Variants in SCN9A observed in about 807,000 individuals in gnomAD.
SCN9A encodes sodium channel protein type 9 subunit alpha.
In SCN9A, 131 loss-of-function variants were observed where a neutral mutation model predicts 187.0. The ratio of observed to expected loss-of-function variants is 0.70; its 90% CI spans 0.61 to 0.81. SCN9A has a LOEUF of 0.81. Ranked by LOEUF, SCN9A falls within the 30% of genes least tolerant of loss-of-function variation. The pLI, the probability that SCN9A is intolerant of heterozygous loss-of-function variation, is 0.00. For missense variants in SCN9A, 2,252 were observed against 2,396.6 expected, an observed-to-expected ratio of 0.94 and a Z score of 1.26; for synonymous variants, 809 against 808.6, an observed-to-expected ratio of 1.00 and a Z score of -0.01.
chr2:166,367,249 T>G (rs923560226), intron 1 of SCN9A, among the ~76,000 whole-genome samples: 8 of 152,166 alleles, frequency 5.3e-5, no homozygotes, highest in Non-Finnish European at 1.0e-4. Flanking sequence ...AGAATAAACT[T>G]CATCCTAGAC....
Position 166,306,474 on chromosome 2 carries a change from C to A in SCN9A, c.467+36G>T, listed in dbSNP as rs900403867. ...AAAAGGAAAGGATGAAATGATAATA[C>A]CAAAACTATATTAAAATGTACTTAT... On this transcript the variant is annotated intron_variant, in intron 4 of 26. Transcript: ENST00000642356. 2.3e-5 allele frequency: 27 copies of A among 1,174,320 alleles called. No homozygotes were observed. The African/African-American group carries it at 4.1e-4, about 18-fold the overall frequency. The allele number at this position is 1,174,320 out of a possible 1,614,324, so 72.7% of individuals were successfully genotyped here. A position where few individuals can be genotyped will look rare whatever the true frequency, so the allele number is the denominator to read the frequency against.
chr2:166,309,584 C>G, intron 2 of SCN9A, among the ~76,000 whole-genome samples: 1 of 151,990 alleles, frequency 6.6e-6, no homozygotes, highest in Non-Finnish European at 1.5e-5. Flanking sequence ...CAAACCACTG[C>G]TCAAGGAAAT....
intron 2 of SCN9A, among the ~76,000 whole-genome samples, chr2:166,308,341 G>C (rs1305620075): frequency 1.3e-5 from 2 of 152,130 alleles, no homozygotes; most frequent in Non-Finnish European, 2.9e-5. Context: ...TCTCAGGGGA[G>C]GGACCTGGTG....
At chr2:166,355,247 T>A (rs770844073) in intron 1 of SCN9A, among the ~76,000 whole-genome samples, 9 of 151,834 alleles carry the variant, frequency 5.9e-5, no homozygotes, top group Non-Finnish European at 1.0e-4. Flanking sequence ...CTGTCTTCTT[T>A]TATATATATA....
Position 166,228,757 on chromosome 2 carries a change from C to T in SCN9A, c.4140G>A (p.Val1380=), listed in dbSNP as rs1553479103. 6.2e-7 allele frequency: 1 copy of T among 1,613,888 alleles called. No individual in the cohort carries two copies. Residue 1380 remains valine (V), a synonymous_variant, in exon 22 of 27, where the codon GTG becomes GTA. Transcript: ENST00000642356. ...AGTTCACTTTCAGGTTTTTCCATCG[C>T]ACATTTTGACTAACATTCATAAGGG... The part of the protein sequence containing the change: ...CFALMNVSQN[V]RWKNLKVNFD...
Position 166,272,391 on chromosome 2 carries a change from A to T in SCN9A, c.3351+8T>A. 6.7e-7 allele frequency: 1 copy of T among 1,503,156 alleles called. No homozygotes were observed. The highest frequency in any genetic ancestry group is 1.3e-5 in the South Asian group (1 of 79,388). 93.1% of individuals were successfully genotyped at this position (1,503,156 alleles called of 1,614,324 possible). A position where few individuals can be genotyped will look rare whatever the true frequency, so the allele number is the denominator to read the frequency against. On this transcript the variant is annotated splice_region_variant and intron_variant, in intron 17 of 26. Coordinates refer to ENST00000642356, the MANE Select transcript of SCN9A (RefSeq NM_001365536.1). ...ATATGAAACACAAAGTATATGAAGC[A>T]TTCTTACCACTTTGCTGTATTCACT...
At chr2:166,236,408 T>C (rs1435357577) in intron 20 of SCN9A, among the ~76,000 whole-genome samples, 1 of 151,766 alleles carries the variant, frequency 6.6e-6, no homozygotes, top group Non-Finnish European at 1.5e-5. Flanking sequence ...GTTGTGTGAT[T>C]AAGAAAACGA....
chr2:166,266,982 G>T (rs1696769890), intron 17 of SCN9A, among the ~76,000 whole-genome samples: 1 of 151,716 alleles, frequency 6.6e-6, no homozygotes, highest in Non-Finnish European at 1.5e-5. Context: ...CTATATCTAA[G>T]ATCAGATCAT....
At chr2:166,268,575 C>T (rs1696842320) in intron 17 of SCN9A, among the ~76,000 whole-genome samples, 1 of 151,870 alleles carries the variant, frequency 6.6e-6, no homozygotes. Flanking sequence ...ATAAAATGTA[C>T]ACTATTTTAG....
Position 166,195,225 on chromosome 2 carries a change from T to G in SCN9A, c.*3447A>C, listed in dbSNP as rs948436555. 6.6e-6 allele frequency: 1 copy of G among 152,218 alleles called. No homozygotes were observed. The highest frequency in any genetic ancestry group is 2.4e-5 in the African/African-American group (1 of 41,458). The allele number at this position is 152,218 out of a possible 1,614,324, so 9.4% of individuals were successfully genotyped here. The stretch of plus-strand genomic sequence containing the variant: ...CTTTTATTCTTAGATTATATTACAA[T>G]GTGTCAGTCTCAAGTATAACTACAA... On this transcript the variant is annotated 3_prime_UTR_variant, in exon 27 of 27. Transcript: ENST00000642356.
intron 24 of SCN9A, among the ~76,000 whole-genome samples, chr2:166,206,016 A>C (rs1026473827): frequency 6.6e-6 from 1 of 152,188 alleles, no homozygotes; most frequent in African/African-American, 2.4e-5. Flanking sequence ...AGGAAACAAC[A>C]GATGTTGGAG....
At chr2:166,243,867 A>T (rs1695672998) in intron 18 of SCN9A, among the ~76,000 whole-genome samples, 1 of 152,038 alleles carries the variant, frequency 6.6e-6, no homozygotes, top group South Asian at 2.1e-4. Context: ...AATAGAGAGG[A>T]GTAGGGGTGA....
intron 7 of SCN9A, among the ~76,000 whole-genome samples, chr2:166,296,874 A>T (rs1698322065): frequency 6.6e-6 from 1 of 152,190 alleles, no homozygotes; most frequent in South Asian, 2.1e-4. Flanking sequence ...GCTTGTGCAT[A>T]TTCAAAAGTG....
intron 24 of SCN9A, among the ~76,000 whole-genome samples, chr2:166,218,960 A>G (rs1306263611): frequency 1.3e-5 from 2 of 152,230 alleles, no homozygotes; most frequent in African/African-American, 4.8e-5. Context: ...CAAGCATATG[A>G]AAAAAAGCTC....
intron 1 of SCN9A, among the ~76,000 whole-genome samples, chr2:166,328,903 TACA>T (rs1485182535): frequency 1.3e-5 from 2 of 152,176 alleles, no homozygotes; most frequent in African/African-American, 4.8e-5. Context: ...TATTTTAGTC[TACA>T]ACATTTGAGT....
chr2:166,328,064 T>C (rs1457004152), intron 1 of SCN9A, among the ~76,000 whole-genome samples: 1 of 152,200 alleles, frequency 6.6e-6, no homozygotes, highest in East Asian at 1.9e-4. Context: ...GCCTGTAACA[T>C]TGCTTGGAAC....
At chr2:166,360,223 AAAAAAAAAAAAAG>A (rs892477437) in intron 1 of SCN9A, among the ~76,000 whole-genome samples, 3 of 114,854 alleles carry the variant, frequency 2.6e-5, no homozygotes, top group African/African-American at 8.8e-5. Flanking sequence ...CTGTCTCAAA[AAAAAAAAAAAAAG>A]AAAAAAAAAA....
intron 1 of SCN9A, among the ~76,000 whole-genome samples, chr2:166,326,029 C>T (rs1435924385): frequency 1.3e-5 from 2 of 152,094 alleles, no homozygotes; most frequent in African/African-American, 2.4e-5. Flanking sequence ...TGTTTCCTTC[C>T]AGTATGAACT....
intron 1 of SCN9A, among the ~76,000 whole-genome samples, chr2:166,371,942 AT>A (rs1284569610): frequency 4.6e-5 from 7 of 152,230 alleles, no homozygotes; most frequent in South Asian, 4.1e-4. Context: ...CATTTGCTAC[AT>A]AAAAAAATCA....
Sources: allele counts gnomAD v4.1 joint callset (sites outside exome capture counted in the v4.1 genomes callset), GRCh38; gene constraint gnomAD v4.1.1; transcripts MANE v1.5; gene names NCBI Gene and HGNC (gene_info 2026-07-23, HGNC 2026-07-21).